CNTNAP3: variants seen among roughly 807,000 people sequenced by gnomAD.
The protein encoded by CNTNAP3 is contactin-associated protein-like 3.
Under a neutral mutation model 92.1 loss-of-function variants are expected in CNTNAP3, and 36 were observed. That is an observed-to-expected ratio of 0.39 (90% CI 0.30 to 0.52). CNTNAP3 has a LOEUF of 0.52. Ranked by LOEUF, CNTNAP3 falls within the 20% of genes least tolerant of loss-of-function variation. The probability of loss-of-function intolerance (pLI) is 0.76; values close to 1 mark genes in which losing one functional copy is unlikely to be tolerated. For missense variants in CNTNAP3, 534 were observed against 1,069.6 expected, an observed-to-expected ratio of 0.50 and a Z score of 6.98; for synonymous variants, 232 against 422.3, an observed-to-expected ratio of 0.55 and a Z score of 5.53.
At chr9:39,151,559 AT>A (rs1206968947) in intron 9 of CNTNAP3, among the ~76,000 whole-genome samples, 3 of 133,984 alleles carry the variant, frequency 2.2e-5, no homozygotes, top group African/African-American at 8.7e-5. Flanking sequence ...TTCTTCTCAA[AT>A]AAAAAAAAAT....
chr9:39,142,028 T>C (rs191986322), intron 11 of CNTNAP3, among the ~76,000 whole-genome samples: 25 of 152,318 alleles, frequency 1.6e-4, no homozygotes, highest in Admixed American at 1.6e-3. Flanking sequence ...GGCAAATTTC[T>C]ACCTATAGCC....
intron 13 of CNTNAP3, among the ~76,000 whole-genome samples, chr9:39,118,803 G>T (rs896523254): frequency 3.9e-5 from 6 of 152,202 alleles, no homozygotes; most frequent in African/African-American, 1.4e-4. Flanking sequence ...GGAGGTTAAG[G>T]AATGACATTG....
At chr9:39,076,156 T>C (rs1401762074) in intron 23 of CNTNAP3, among the ~76,000 whole-genome samples, 4,362 of 142,726 alleles carry the variant, frequency 0.031, no homozygotes, top group East Asian at 0.1. Context: ...GCCAGTGATA[T>C]TTGACCACCA....
chr9:39,202,308 T>A (rs7034187), intron 3 of CNTNAP3, among the ~76,000 whole-genome samples: 19,308 of 43,924 alleles, frequency 0.44, 8,114 homozygotes, highest in East Asian at 1. Context: ...TGATTGTATA[T>A]TTAGAAAACC....
chr9:39,280,153 T>C (rs1189885547), intron 1 of CNTNAP3, among the ~76,000 whole-genome samples: 1 of 89,688 alleles, frequency 1.1e-5, no homozygotes, highest in African/African-American at 3.4e-5. Flanking sequence ...GGCACAGCTG[T>C]GAAACACATT....
intron 21 of CNTNAP3, among the ~76,000 whole-genome samples, chr9:39,084,358 A>C (rs990663703): frequency 6.6e-6 from 1 of 151,808 alleles, no homozygotes; most frequent in Admixed American, 6.6e-5. Context: ...ATGCCCGGCT[A>C]ATTTTTTTTG....
chr9:39,110,454 C>G (rs1393989336), intron 14 of CNTNAP3, among the ~76,000 whole-genome samples: 3 of 152,140 alleles, frequency 2.0e-5, no homozygotes, highest in African/African-American at 7.2e-5. Flanking sequence ...TTTTGTCAAA[C>G]AGACATTGTC....
chr9:39,104,167 G>T lies in CNTNAP3; in HGVS notation c.2366-253C>A, dbSNP rs558954123. 3.9e-5 allele frequency among the ~76,000 whole-genome samples: 6 copies of T among 152,088 alleles called. No individual in the cohort carries two copies. In the South Asian group the frequency reaches 1.0e-3, roughly 26 times the overall value. On this transcript the variant is annotated intron_variant, in intron 15 of 23. Coordinates refer to ENST00000297668, the MANE Select transcript of CNTNAP3 (RefSeq NM_033655.5). ...AGCAAAAGCAATGAGACCAGTCAGG[G>T]GATCGCGCAGCAACACAGTAGGGAC...
At chr9:39,083,468 GACCA>G (rs1374450534) in intron 21 of CNTNAP3, among the ~76,000 whole-genome samples, 2 of 152,162 alleles carry the variant, frequency 1.3e-5, no homozygotes, top group East Asian at 3.9e-4. Context: ...AGACCAGCCT[GACCA>G]ACATGATGAA....
chr9:39,144,452 C>T (rs933729037), intron 10 of CNTNAP3, 106 bp from the exon 11 acceptor site: 2 of 1,479,776 alleles, frequency 1.4e-6, no homozygotes, highest in Non-Finnish European at 9.0e-7. Context: ...GAAAGAGCAG[C>T]ATATGCAAGA....
chr9:39,104,195 G>A (rs560925135), intron 15 of CNTNAP3, among the ~76,000 whole-genome samples: 158 of 152,022 alleles, frequency 1.0e-3, no homozygotes, highest in Non-Finnish European at 1.8e-3. Flanking sequence ...GTAGGGACAG[G>A]GTCAAGTTCA....
rs1274665244 is a variant in CNTNAP3, at chr9:39,091,273, G to C, written c.2996-2626C>G. ...GAGTATACATTCTTGTCTCGTTCTT[G>C]ATCTTAGGAAAAAAACATTCAGTCT... On this transcript the variant is annotated intron_variant, in intron 18 of 23. Coordinates refer to ENST00000297668, the MANE Select transcript of CNTNAP3 (RefSeq NM_033655.5). 3.3e-5 allele frequency among the ~76,000 whole-genome samples: 5 copies of C among 150,698 alleles called. No homozygotes were observed. The East Asian group carries it at 9.8e-4, about 29-fold the overall frequency.
intron 19 of CNTNAP3, among the ~76,000 whole-genome samples, chr9:39,087,854 G>T (rs978122811): frequency 3.9e-5 from 6 of 152,148 alleles, no homozygotes; most frequent in Non-Finnish European, 8.8e-5. Context: ...CAGACTTAAA[G>T]CTTGGTCTTC....
chr9:39,136,020 C>A (rs565046805), intron 12 of CNTNAP3, among the ~76,000 whole-genome samples: 1 of 151,000 alleles, frequency 6.6e-6, no homozygotes, highest in Admixed American at 6.6e-5. Flanking sequence ...TCCCAGCTAC[C>A]GGGGAGGCCG....
chr9:39,130,360 TAC>T (rs1821250883), intron 13 of CNTNAP3, among the ~76,000 whole-genome samples: 1 of 152,070 alleles, frequency 6.6e-6, no homozygotes, highest in East Asian at 1.9e-4. Flanking sequence ...TAGAGAGGAT[TAC>T]ACAGAGTGAA....
At chr9:39,087,938 T>C (rs1413944136) in intron 19 of CNTNAP3, among the ~76,000 whole-genome samples, 1 of 152,178 alleles carries the variant, frequency 6.6e-6, no homozygotes, top group Non-Finnish European at 1.5e-5. Context: ...TTTTCTTCTA[T>C]AAAAGTGATA....
rs1187160396 is a variant in CNTNAP3, at chr9:39,067,687, T to C, written c.*6203A>G. On this transcript the variant is annotated 3_prime_UTR_variant, in exon 24 of 24. Transcript: ENST00000297668. The stretch of plus-strand genomic sequence containing the variant: ...CTGGGATTACAGGCATGAGCCACTG[T>C]GCCCGGCCTGGTGTTGGATAGTTTT... 1.3e-5 allele frequency among the ~76,000 whole-genome samples: 2 copies of C among 152,304 alleles called. No homozygotes were observed. The highest frequency in any genetic ancestry group is 2.9e-5 in the Non-Finnish European group (2 of 68,050).
chr9:39,091,557 T>G (rs2118443236), intron 18 of CNTNAP3, among the ~76,000 whole-genome samples: 1 of 152,174 alleles, frequency 6.6e-6, no homozygotes, highest in Non-Finnish European at 1.5e-5. Flanking sequence ...CACTTTGTCT[T>G]GATGTATAGT....
At chr9:39,083,899 TA>T (rs1240918735) in intron 21 of CNTNAP3, among the ~76,000 whole-genome samples, 1 of 151,864 alleles carries the variant, frequency 6.6e-6, no homozygotes, top group African/African-American at 2.4e-5. Flanking sequence ...GATCTTGTGA[TA>T]ATCAATCTGA....
Sources: gnomAD v4.1 joint callset for allele counts (sites outside exome capture counted in the v4.1 genomes callset) on GRCh38, gnomAD v4.1.1 for gene constraint, MANE v1.5 for transcripts, NCBI Gene and HGNC (gene_info 2026-07-23, HGNC 2026-07-21) for gene names.